Variants in TERT observed in about 807,000 individuals in gnomAD.
The protein encoded by TERT is telomerase reverse transcriptase, also known as telomerase catalytic subunit.
TERT carries 42 observed loss-of-function variants against 104.0 expected under a neutral mutation model. The ratio of observed to expected loss-of-function variants is 0.40; its 90% CI spans 0.32 to 0.52. The LOEUF (loss-of-function observed/expected upper bound fraction) is 0.52, where lower values mean the gene tolerates loss of function less well. TERT is among the 20% of genes least tolerant of loss of function. The probability of loss-of-function intolerance (pLI) is 0.43; values close to 1 mark genes in which losing one functional copy is unlikely to be tolerated. For synonymous variants in TERT, 781 were observed against 725.6 expected (o/e 1.08, Z -1.23); for missense variants, 1,101 against 1,610.3 (o/e 0.68, Z 5.41).
chr5:1,255,451 A>C lies in TERT; in HGVS notation c.3033-40T>G, dbSNP rs1392716358. The C allele has an allele frequency of 1.9e-6, 3 of 1,613,314 alleles. No homozygotes were observed. In the African/African-American group the frequency reaches 4.0e-5, roughly 22 times the overall value. The stretch of plus-strand genomic sequence containing the variant: ...GACAGCGTCAGAGGAAAGGCCTCCT[A>C]ATCAGACGGTGCTCGTGGGTGTGGG... On this transcript the variant is annotated intron_variant, in intron 13 of 15. Transcript: ENST00000310581. This position sits in a 1 kb window ranked among gnomAD's most constrained non-coding sequence, Gnocchi z 6.9.
intron 2 of TERT, among the ~76,000 whole-genome samples, chr5:1,290,127 C>A (rs1434471396): frequency 2.8e-4 from 20 of 70,772 alleles, no homozygotes; most frequent in Non-Finnish European, 3.3e-4. Context: ...CAGGGACACC[C>A]GGGGGCCGCG....
At chr5:1,285,865 G>A (rs935254453) in intron 2 of TERT, among the ~76,000 whole-genome samples, 1 of 151,996 alleles carries the variant, frequency 6.6e-6, no homozygotes, top group African/African-American at 2.4e-5. Context: ...ACCGCGCCCA[G>A]CCTAGAAATT....
At position 1,274,133 on chromosome 5, in the gene TERT, C is replaced by G. The variant is rs528080472; in HGVS notation, c.2287-1853G>C. On this transcript the variant is annotated intron_variant, in intron 6 of 15. Transcript: ENST00000310581. This position sits in a 1 kb window ranked among gnomAD's most constrained non-coding sequence, Gnocchi z 5.3. ...CTTGTGAGGCATCAAAAGACGCGCA[C>G]GGTGACTCTGTGCTTCAGCATGTTC... Among the ~76,000 whole-genome samples the G allele has an allele frequency of 6.6e-6, 1 of 152,216 alleles. No individual in the cohort carries two copies. Among genetic ancestry groups the G allele is most frequent in the African/African-American group, 2.4e-5 (1 of 41,448 alleles).
chr5:1,282,701 A>G (rs2126650456), intron 2 of TERT, 77 bp from the exon 3 acceptor site: 2 of 1,472,938 alleles, frequency 1.4e-6, no homozygotes, highest in African/African-American at 1.4e-5. Flanking sequence ...CCATCCGGAC[A>G]CCGCACATCC....
At position 1,256,974 on chromosome 5, in the gene TERT, A is replaced by G. The variant is rs892170055; in HGVS notation, c.3033-1563T>C. ...CACGTGGACCACCACAGCCTCGCCC[A>G]CTGCAGCCTGGCTGCCGTGAAATCG... On this transcript the variant is annotated intron_variant, in intron 13 of 15. Coordinates refer to ENST00000310581, the MANE Select transcript of TERT (RefSeq NM_198253.3). This position sits in a 1 kb window ranked among gnomAD's most constrained non-coding sequence, Gnocchi z 7.0. Among the ~76,000 whole-genome samples, 3 of 152,066 alleles carry G rather than the reference A, an allele frequency of 2.0e-5. No homozygotes were observed. Among genetic ancestry groups the G allele is most frequent in the African/African-American group, 7.2e-5 (3 of 41,428 alleles).
intron 2 of TERT, among the ~76,000 whole-genome samples, chr5:1,283,524 CTGG>C (rs1750217128): frequency 6.8e-6 from 1 of 147,234 alleles, no homozygotes; most frequent in Non-Finnish European, 1.5e-5. Flanking sequence ...ACCGCAGGGC[CTGG>C]CGACCTCACC....
At position 1,270,976 on chromosome 5, in the gene TERT, C is replaced by T. The variant is rs1360094092; in HGVS notation, c.2468+143G>A. ...CCTCGGGAGCCTGCAGCCCAGGAGC[C>T]GGAGGGGGCGGGGGCCAGAAAAGGA... On this transcript the variant is annotated intron_variant, in intron 8 of 15. Coordinates refer to ENST00000310581, the MANE Select transcript of TERT (RefSeq NM_198253.3). The surrounding 1 kb of genome is among the most constrained non-coding windows in gnomAD (Gnocchi z 8.3). 3.4e-5 allele frequency: 23 copies of T among 676,732 alleles called. No homozygotes were observed. Among genetic ancestry groups the T allele is most frequent in the South Asian group, 3.1e-4 (17 of 54,288 alleles). 41.9% of individuals were successfully genotyped at this position (676,732 alleles called of 1,614,324 possible).
At position 1,293,972 on chromosome 5, in the gene TERT, G is replaced by T; in HGVS notation, c.914C>A (p.Ala305Glu). 1 of 1,560,830 alleles carries T rather than the reference G, an allele frequency of 6.4e-7. No homozygotes were observed. Among genetic ancestry groups the T allele is most frequent in the Non-Finnish European group, 8.6e-7 (1 of 1,156,458 alleles). ...TGGCCGCGATGTGGATGGGGGGCCC[G>T]CGTGGTGCTGGCGGCCCACGGATGG... The part of the protein sequence containing the change: ...SHPSVGRQHH[A>E]GPPSTSRPPR... Residue 305 changes from alanine to glutamate, a missense_variant, in exon 2 of 16, where the codon GCG becomes GAG. By Grantham distance (107) the Ala-to-Glu change is moderately radical. Around this residue, in one of 5 missense-constraint regions of TERT, gnomAD observed 504 missense variants for 544.6 expected, o/e 0.93. Transcript: ENST00000310581.
chr5:1,272,180 C>G lies in TERT; in HGVS notation c.2382+5G>C. 1 of 1,607,334 alleles carries G rather than the reference C, an allele frequency of 6.2e-7. No individual in the cohort carries two copies. Among genetic ancestry groups the G allele is most frequent in the Non-Finnish European group, 8.5e-7 (1 of 1,177,554 alleles). ...GTGCCCAACCCTGCAGGGCAGTGCC[C>G]AGACCTGCTCGATGACGACGGCATC... On this transcript the variant is annotated splice_donor_5th_base_variant and intron_variant, in intron 7 of 15. Transcript: ENST00000310581.
intron 6 of TERT, among the ~76,000 whole-genome samples, chr5:1,277,557 G>A (rs920911256): frequency 2.0e-4 from 30 of 151,108 alleles, no homozygotes; most frequent in African/African-American, 5.6e-4. Flanking sequence ...GGTCGAGGTC[G>A]GAACGAGGGT....
Position 1,288,087 on chromosome 5 carries a change from G to A in TERT, c.1573+5226C>T, listed in dbSNP as rs549197817. On this transcript the variant is annotated intron_variant, in intron 2 of 15. Transcript: ENST00000310581. The surrounding 1 kb of genome is among the most constrained non-coding windows in gnomAD (Gnocchi z 5.3). ...TAACTCACTGCTCAAAGAAATCACAGAATAAGCTAAAGAATACTTAAAAGT... is the reference window on the plus strand; with the variant it reads ...TAACTCACTGCTCAAAGAAATCACAAAATAAGCTAAAGAATACTTAAAAGT... Among the ~76,000 whole-genome samples the A allele has an allele frequency of 6.6e-6, 1 of 152,158 alleles. No homozygotes were observed. Among genetic ancestry groups the A allele is most frequent in the South Asian group, 2.1e-4 (1 of 4,826 alleles).
rs1748813352 is a variant in TERT, at chr5:1,268,769, G to A, written c.2469-136C>T. ...TACCATTCAGCCGGCAAACACCTCAGAAACATACCAGATGAGACCTCTGAA... is the reference window on the plus strand; with the variant it reads ...TACCATTCAGCCGGCAAACACCTCAAAAACATACCAGATGAGACCTCTGAA... On this transcript the variant is annotated intron_variant, in intron 8 of 15. Coordinates refer to ENST00000310581, the MANE Select transcript of TERT (RefSeq NM_198253.3). This position sits in a 1 kb window ranked among gnomAD's most constrained non-coding sequence, Gnocchi z 5.5. The A allele has an allele frequency of 1.6e-6, 1 of 640,192 alleles. No individual in the cohort carries two copies. 39.7% of individuals were successfully genotyped at this position (640,192 alleles called of 1,614,324 possible). A position where few individuals can be genotyped will look rare whatever the true frequency, so the allele number is the denominator to read the frequency against.
At position 1,294,994 on chromosome 5, in the gene TERT, G is replaced by A. The variant is rs902277725; in HGVS notation, c.-5C>T. ...GCAGCGGGGAGCGCGCGGCATCGCG[G>A]GGGTGGCCGGGGCCAGGGCTTCCCA... On this transcript the variant is annotated 5_prime_UTR_variant, in exon 1 of 16. Transcript: ENST00000310581. 1.5e-6 allele frequency: 2 copies of A among 1,315,502 alleles called. No homozygotes were observed. Among genetic ancestry groups the A allele is most frequent in the South Asian group, 2.3e-5 (1 of 43,478 alleles). 81.5% of individuals were successfully genotyped at this position (1,315,502 alleles called of 1,614,324 possible). A position where few individuals can be genotyped will look rare whatever the true frequency, so the allele number is the denominator to read the frequency against.
rs763147123 is a variant in TERT at position 1,279,312 on chromosome 5, C to A, written c.2109G>T (p.Pro703=). ...CCACCTTGACAAAGTACAGCTCAGG[C>A]GGCGGGTCCTGGGCCCGCACACGCA... ...FVLRVRAQDP[P]PELYFVKVDV... is the part of the protein sequence containing the mutation. The change falls in exon 5 of 16, where the codon CCG becomes CCT. Residue 703 remains proline (P), a synonymous_variant. Transcript: ENST00000310581. 3 of 1,583,958 alleles carry A rather than the reference C, an allele frequency of 1.9e-6. No individual in the cohort carries two copies. The highest frequency in any genetic ancestry group is 2.6e-6 in the Non-Finnish European group (3 of 1,167,388).
rs1749382097 is a variant in TERT, at chr5:1,274,314, T to A, written c.2287-2034A>T. 6.6e-6 allele frequency among the ~76,000 whole-genome samples: 1 copy of A among 152,210 alleles called. No individual in the cohort carries two copies. ...AGGCAACACGCCCACAAATAGCCCA[T>A]GGGTCTGAGGTCGGCGGAAAGCATC... On this transcript the variant is annotated intron_variant, in intron 6 of 15. Coordinates refer to ENST00000310581, the MANE Select transcript of TERT (RefSeq NM_198253.3). This position sits in a 1 kb window ranked among gnomAD's most constrained non-coding sequence, Gnocchi z 5.3.
In TERT at chr5:1,253,707, C is replaced by T. The variant is rs1240418140; in HGVS notation, c.*21G>A. 1.9e-6 allele frequency: 3 copies of T among 1,598,798 alleles called. No individual in the cohort carries two copies. Among genetic ancestry groups the T allele is most frequent in the Admixed American group, 3.4e-5 (2 of 58,782 alleles). On this transcript the variant is annotated 3_prime_UTR_variant, in exon 16 of 16. Transcript: ENST00000310581. ...AGGGCTGCTGGTGTCTGCTCTCGGC[C>T]TGGCTGTGGGCGGGTGGCCATCAGT...
intron 2 of TERT, chr5:1,282,829 A>T (rs1750130046): frequency 1.6e-6 from 1 of 630,272 alleles, no homozygotes; most frequent in Admixed American, 2.3e-5. Flanking sequence ...ACACGGGGAC[A>T]CCGCATATCC....
rs561884153 is a variant in TERT at position 1,253,674 on chromosome 5, G to A, written c.*54C>T. On this transcript the variant is annotated 3_prime_UTR_variant, in exon 16 of 16. Coordinates refer to ENST00000310581, the MANE Select transcript of TERT (RefSeq NM_198253.3). ...CCTCCCTCCCTGGGACGTAGAGCCC[G>A]GCGTGACAGGGCTGCTGGTGTCTGC... 3.0e-4 allele frequency: 442 copies of A among 1,483,400 alleles called. No individual in the cohort carries two copies. The African/African-American group carries it at 3.8e-3, about 13-fold the overall frequency. The allele number at this position is 1,483,400 out of a possible 1,614,324, so 91.9% of individuals were successfully genotyped here.
At chr5:1,271,300 G>A in intron 7 of TERT, 96 bp from the exon 8 acceptor site, 1 of 888,908 alleles carries the variant, frequency 1.1e-6, no homozygotes, top group Non-Finnish European at 1.9e-6. Context: ...TTTGGGGTCA[G>A]TGTTTGTGAT....
Sources: gnomAD v4.1 joint callset for allele counts (sites outside exome capture counted in the v4.1 genomes callset) on GRCh38, gnomAD v4.1.1 for gene constraint, gnomAD v4.1.1 regional missense constraint, Gnocchi (gnomAD v3.1) non-coding constraint, MANE v1.5 for transcripts, NCBI Gene and HGNC (gene_info 2026-07-23, HGNC 2026-07-21) for gene names.